The following FGD6 variants were observed in gnomAD, a reference collection of about 807,000 sequenced individuals.
FGD6 encodes FYVE, RhoGEF and PH domain-containing protein 6.
Under a neutral mutation model 149.4 loss-of-function variants are expected in FGD6, and 90 were observed. The observed-to-expected ratio is 0.60, with a 90% confidence interval of 0.51 to 0.72. The LOEUF (loss-of-function observed/expected upper bound fraction) is 0.72. Ranked by LOEUF, FGD6 falls within the 30% of genes least tolerant of loss-of-function variation. The probability of loss-of-function intolerance (pLI) is 0.00; values close to 1 mark genes in which losing one functional copy is unlikely to be tolerated. For missense variants in FGD6, 1,437 were observed against 1,684.8 expected, an observed-to-expected ratio of 0.85 and a Z score of 2.57; for synonymous variants, 527 against 584.0, an observed-to-expected ratio of 0.90 and a Z score of 1.41.
At chr12:95,150,024 ACACACACACTT>A in intron 5 of FGD6, among the ~76,000 whole-genome samples, 1 of 120,436 alleles carries the variant, frequency 8.3e-6, no homozygotes, top group Non-Finnish European at 1.8e-5. Context: ...ACACACACAC[ACACACACACTT>A]TTTTTTTTTG....
intron 2 of FGD6, among the ~76,000 whole-genome samples, chr12:95,206,698 G>GAGAAAAA (rs1565924022): frequency 8.7e-6 from 1 of 114,804 alleles, no homozygotes; most frequent in Non-Finnish European, 1.9e-5. Context: ...TGTCTCCAAA[G>GAGAAAAA]AAAAAAAAAA....
intron 14 of FGD6, among the ~76,000 whole-genome samples, chr12:95,103,823 A>T (rs1374304098): frequency 6.6e-6 from 1 of 152,222 alleles, no homozygotes; most frequent in African/African-American, 2.4e-5. Flanking sequence ...GGCGTAAGCT[A>T]CTGCACCCAG....
At chr12:95,178,591 G>T (rs1227522912) in intron 2 of FGD6, among the ~76,000 whole-genome samples, 1 of 152,214 alleles carries the variant, frequency 6.6e-6, no homozygotes, top group East Asian at 1.9e-4. Flanking sequence ...CATTATAAAG[G>T]TATCAAATAT....
At chr12:95,096,213 T>C (rs1441834361) in intron 14 of FGD6, among the ~76,000 whole-genome samples, 1 of 152,072 alleles carries the variant, frequency 6.6e-6, no homozygotes, top group Non-Finnish European at 1.5e-5. Flanking sequence ...AATAAAAAAT[T>C]CCACCATTAA....
chr12:95,125,918 G>T, intron 8 of FGD6: 1 of 1,439,772 alleles, frequency 6.9e-7, no homozygotes, highest in Non-Finnish European at 9.8e-7. Context: ...TGCCTTTCAA[G>T]TACATGCAGC....
chr12:95,149,327 T>C (rs866404648), intron 5 of FGD6, among the ~76,000 whole-genome samples: 1 of 101,784 alleles, frequency 9.8e-6, no homozygotes, highest in Non-Finnish European at 1.8e-5. Context: ...GCATATATTA[T>C]ATAATATATT....
intron 14 of FGD6, among the ~76,000 whole-genome samples, chr12:95,096,495 A>G (rs1018181849): frequency 1.3e-5 from 2 of 152,214 alleles, no homozygotes; most frequent in South Asian, 4.1e-4. Context: ...AAACCAAACA[A>G]AACCCTGCCT....
At position 95,078,468 on chromosome 12, in the gene FGD6, A is replaced by G. The variant is rs1428680469; in HGVS notation, c.*3052T>C. ...ATTCTATGAACCAAATATAAAATAC[A>G]CATTTGGCTGACAATTATACTTTAA... On this transcript the variant is annotated 3_prime_UTR_variant, in exon 21 of 21. Transcript: ENST00000343958. 6.6e-6 allele frequency: 1 copy of G among 152,232 alleles called. No individual in the cohort carries two copies. The highest frequency in any genetic ancestry group is 2.4e-5 in the African/African-American group (1 of 41,472). The allele number at this position is 152,232 out of a possible 1,614,324, so 9.4% of individuals were successfully genotyped here. A position where few individuals can be genotyped will look rare whatever the true frequency, so the allele number is the denominator to read the frequency against.
intron 3 of FGD6, among the ~76,000 whole-genome samples, chr12:95,164,625 T>G (rs1880743888): frequency 1.3e-5 from 2 of 152,086 alleles, no homozygotes; most frequent in Non-Finnish European, 1.5e-5. Context: ...GAGATGGAGT[T>G]TCACCATGTT....
chr12:95,100,801 C>T, intron 14 of FGD6: 7 of 438,650 alleles, frequency 1.6e-5, no homozygotes, highest in South Asian at 1.3e-4. Flanking sequence ...ATGCCCTTTT[C>T]CCAACATTGA....
At position 95,196,052 on chromosome 12, in the gene FGD6, G is replaced by A. The variant is rs1321700623; in HGVS notation, c.2441+12791C>T. Among the ~76,000 whole-genome samples the A allele has an allele frequency of 5.1e-4, 77 of 152,018 alleles. 1 individual carries two copies. Among genetic ancestry groups the A allele is most frequent in the African/African-American group, 7.2e-5 (3 of 41,410 alleles). ...GGATAATCGCTTGAAACCGGGAGGC[G>A]GAGGTTGCAGCGAGCTTGAGATCAC... On this transcript the variant is annotated intron_variant, in intron 2 of 20. Coordinates refer to ENST00000343958, the MANE Select transcript of FGD6 (RefSeq NM_018351.4).
At chr12:95,146,791 ATTAACT>A (rs1472985913) in intron 5 of FGD6, among the ~76,000 whole-genome samples, 1 of 152,194 alleles carries the variant, frequency 6.6e-6, no homozygotes, top group African/African-American at 2.4e-5. Flanking sequence ...TCAGAATCAG[ATTAACT>A]TTAAGTTGAT....
intron 5 of FGD6, among the ~76,000 whole-genome samples, chr12:95,152,162 C>CA (rs1481010210): frequency 2.0e-5 from 3 of 151,912 alleles, no homozygotes; most frequent in Admixed American, 6.6e-5. Context: ...CCCATCTCTA[C>CA]AAAAAATACA....
chr12:95,203,234 A>T (rs961813947), intron 2 of FGD6, among the ~76,000 whole-genome samples: 10 of 152,258 alleles, frequency 6.6e-5, no homozygotes, highest in Admixed American at 2.0e-4. Flanking sequence ...CATTTAAAAG[A>T]AATAATTTTG....
chr12:95,122,381 T>C (rs1339032823), intron 8 of FGD6, among the ~76,000 whole-genome samples: 1 of 152,018 alleles, frequency 6.6e-6, no homozygotes, highest in Non-Finnish European at 1.5e-5. Flanking sequence ...CACAGTGGCT[T>C]GCACCTGTCA....
intron 12 of FGD6, 116 bp from the exon 13 acceptor site, chr12:95,107,153 A>G (rs1332420341): frequency 1.4e-6 from 1 of 725,786 alleles, no homozygotes; most frequent in African/African-American, 1.8e-5. Context: ...AGCTCTCTGA[A>G]TAAAATACTT....
chr12:95,170,579 T>C (rs1472215969), intron 3 of FGD6, among the ~76,000 whole-genome samples: 2 of 151,238 alleles, frequency 1.3e-5, no homozygotes, highest in Non-Finnish European at 2.9e-5. Context: ...GAGGCAGAGG[T>C]TGCAGTGAGC....
chr12:95,117,013 G>A (rs1388674154), intron 8 of FGD6: 3 of 438,492 alleles, frequency 6.8e-6, no homozygotes, highest in Non-Finnish European at 1.4e-5. Flanking sequence ...AGACCAGACA[G>A]ACACGCCTAT....
chr12:95,174,230 A>G (rs916425761), intron 2 of FGD6, among the ~76,000 whole-genome samples: 1 of 152,072 alleles, frequency 6.6e-6, no homozygotes, highest in African/African-American at 2.4e-5. Context: ...ATAAGAGCCA[A>G]CCCCGCCGGA....
Sources: allele counts gnomAD v4.1 joint callset (sites outside exome capture counted in the v4.1 genomes callset), GRCh38; gene constraint gnomAD v4.1.1; transcripts MANE v1.5; gene names NCBI Gene and HGNC (gene_info 2026-07-23, HGNC 2026-07-21).